Variants in C3orf49 observed in about 807,000 individuals in gnomAD.
C3orf49 encodes the protein chromosome 3 open reading frame 49.
A neutral mutation model predicts 13.3 loss-of-function variants in C3orf49; 27 were observed. The observed-to-expected ratio is 2.02, with a 90% confidence interval of 1.49 to 2.79. The LOEUF is 2.79. Among genes scored for constraint, C3orf49 ranks in the 30% most tolerant of loss-of-function variants. The pLI is 0.00. For missense variants in C3orf49, 242 were observed against 134.2 expected, an observed-to-expected ratio of 1.80 and a Z score of -3.97; for synonymous variants, 87 against 47.6, an observed-to-expected ratio of 1.83 and a Z score of -3.40.
At position 63,845,141 on chromosome 3, in the gene C3orf49, G is replaced by A. The variant is rs1701861509; in HGVS notation, c.*30+59G>A. On this transcript the variant is annotated intron_variant, in intron 6 of 6. Transcript: ENST00000295896. ...TACTATCTCCTTCATGTAGCCCTGA[G>A]GGTTAAGTCCCCCTCAGATCTGAGC... The A allele has an allele frequency of 9.4e-6, 6 of 640,152 alleles. No individual in the cohort carries two copies. The East Asian group carries it at 1.6e-4, about 17-fold the overall frequency. The allele number at this position is 640,152 out of a possible 1,614,324, so 39.7% of individuals were successfully genotyped here. A position where few individuals can be genotyped will look rare whatever the true frequency, so the allele number is the denominator to read the frequency against.
intron 2 of C3orf49, among the ~76,000 whole-genome samples, chr3:63,825,588 A>C (rs1293529176): frequency 6.6e-6 from 1 of 152,224 alleles, no homozygotes; most frequent in Non-Finnish European, 1.5e-5. Flanking sequence ...ACAAATATCA[A>C]CTAAGATTTC....
chr3:63,844,243 T>C (rs1701837687), intron 5 of C3orf49, among the ~76,000 whole-genome samples: 1 of 152,190 alleles, frequency 6.6e-6, no homozygotes, highest in South Asian at 2.1e-4. Context: ...AAAAGATACA[T>C]ACTTACAGTT....
the C3orf49 span, among the ~76,000 whole-genome samples, chr3:63,805,630 T>C: frequency 2.8e-4 from 42 of 152,358 alleles, no homozygotes; most frequent in Non-Finnish European, 5.1e-4. Context: ...AAATAGATGC[T>C]CTGCATGCTT....
chr3:63,834,716 A>G (rs1229405044), intron 5 of C3orf49, among the ~76,000 whole-genome samples: 1 of 152,050 alleles, frequency 6.6e-6, no homozygotes, highest in Non-Finnish European at 1.5e-5. Flanking sequence ...AACAATCAGA[A>G]GATCAGGTAA....
At chr3:63,799,102 G>A in the C3orf49 span, among the ~76,000 whole-genome samples, 9 of 152,194 alleles carry the variant, frequency 5.9e-5, no homozygotes, top group South Asian at 2.1e-4. Context: ...ATTCCTGTGC[G>A]GCTGGAGCTG....
intron 6 of C3orf49, 52 bp downstream of exon 6, chr3:63,845,134 G>A (rs1176197564): frequency 1.5e-6 from 1 of 651,548 alleles, no homozygotes; most frequent in African/African-American, 1.8e-5. Flanking sequence ...CCTTCATGTA[G>A]CCCTGAGGGT....
the C3orf49 span, among the ~76,000 whole-genome samples, chr3:63,785,453 T>C: frequency 1.3e-5 from 2 of 152,140 alleles, no homozygotes; most frequent in Non-Finnish European, 2.9e-5. Context: ...GAATATCTTA[T>C]CAGATTCAGG....
At chr3:63,845,596 A>G (rs1385702198) in intron 6 of C3orf49, among the ~76,000 whole-genome samples, 1 of 152,166 alleles carries the variant, frequency 6.6e-6, no homozygotes, top group African/African-American at 2.4e-5. Context: ...TTTGGAATTC[A>G]TAGGTATGTG....
the C3orf49 span, among the ~76,000 whole-genome samples, chr3:63,807,904 A>G: frequency 2.7e-5 from 4 of 150,918 alleles, no homozygotes; most frequent in Non-Finnish European, 5.9e-5. Flanking sequence ...AGAGAAATAA[A>G]TAAATAAATA....
the C3orf49 span, among the ~76,000 whole-genome samples, chr3:63,785,065 CTTTTTTTTT>C: frequency 7.7e-5 from 5 of 64,944 alleles, no homozygotes; most frequent in Admixed American, 5.2e-4. Context: ...TCTTCTTCTT[CTTTTTTTTT>C]TTTTTTTTTT....
At chr3:63,789,109 C>T in the C3orf49 span, among the ~76,000 whole-genome samples, 7 of 152,106 alleles carry the variant, frequency 4.6e-5, no homozygotes, top group Non-Finnish European at 8.8e-5. Flanking sequence ...GGCGGGCGAG[C>T]GGGCATTACC....
chr3:63,838,372 C>G (rs750340024), intron 5 of C3orf49: 34 of 1,486,048 alleles, frequency 2.3e-5, no homozygotes, highest in African/African-American at 4.2e-5. Context: ...GATTCTTTAC[C>G]TATTTCCTTG....
intron 6 of C3orf49, chr3:63,846,259 C>G (rs1388157311): frequency 4.5e-6 from 2 of 443,176 alleles, no homozygotes; most frequent in Non-Finnish European, 9.1e-6. Flanking sequence ...AGAGAATCGT[C>G]TGAAAAATCA....
chr3:63,798,145 C>A, the C3orf49 span, among the ~76,000 whole-genome samples: 1 of 152,150 alleles, frequency 6.6e-6, no homozygotes, highest in Non-Finnish European at 1.5e-5. Flanking sequence ...TATTAGACAA[C>A]TCCACAGGGA....
intron 5 of C3orf49, among the ~76,000 whole-genome samples, chr3:63,837,280 C>T (rs1395777502): frequency 6.6e-6 from 1 of 151,940 alleles, no homozygotes. Flanking sequence ...TAACCATTAA[C>T]ATTTTCTATT....
At chr3:63,846,174 A>T (rs750734393) in intron 6 of C3orf49, 6 of 447,108 alleles carry the variant, frequency 1.3e-5, no homozygotes, top group Non-Finnish European at 2.7e-5. Context: ...TTTACAATCT[A>T]CTACTAAATA....
chr3:63,813,667 C>T, the C3orf49 span, among the ~76,000 whole-genome samples: 52 of 152,286 alleles, frequency 3.4e-4, no homozygotes, highest in African/African-American at 1.2e-3. Flanking sequence ...AAGGAGTCTT[C>T]CCAGGAGAAA....
At chr3:63,795,634 G>T in the C3orf49 span, among the ~76,000 whole-genome samples, 2 of 152,042 alleles carry the variant, frequency 1.3e-5, no homozygotes, top group African/African-American at 4.8e-5. Flanking sequence ...GATCTCATTT[G>T]GTTCCAGGCT....
At chr3:63,783,327 A>G in the C3orf49 span, among the ~76,000 whole-genome samples, 15 of 152,264 alleles carry the variant, frequency 9.9e-5, no homozygotes, top group African/African-American at 3.4e-4. Context: ...CAAGAAGATT[A>G]TCTATGAGAT....
Sources: gnomAD v4.1 joint callset for allele counts (sites outside exome capture counted in the v4.1 genomes callset) on GRCh38, gnomAD v4.1.1 for gene constraint, MANE v1.5 for transcripts, NCBI Gene and HGNC (gene_info 2026-07-23, HGNC 2026-07-21) for gene names.